RSPO4: variants seen among roughly 807,000 people sequenced by gnomAD.
RSPO4 encodes the protein R-spondin-4.
A neutral mutation model predicts 24.8 loss-of-function variants in RSPO4; 23 were observed. The ratio of observed to expected loss-of-function variants is 0.93; its 90% confidence interval spans 0.67 to 1.31. The LOEUF (loss-of-function observed/expected upper bound fraction) is 1.31. Ranked by LOEUF, RSPO4 falls within the 40% of genes most tolerant of loss-of-function variation. The pLI is 0.00. For missense variants in RSPO4, 333 were observed against 316.5 expected, an observed-to-expected ratio of 1.05 and a Z score of -0.39; for synonymous variants, 141 against 127.4, an observed-to-expected ratio of 1.11 and a Z score of -0.72.
rs995685247 is a variant in RSPO4, at chr20:961,967, C to T, written c.596-1501G>A. On this transcript the variant is annotated intron_variant, in intron 4 of 4. Coordinates refer to ENST00000217260, the MANE Select transcript of RSPO4 (RefSeq NM_001029871.4). The stretch of plus-strand genomic sequence containing the variant: ...ATCCACCTACCTACTCATCCACCCA[C>T]CTACCCTCCCATCTACCCTCCTATC... Among the ~76,000 whole-genome samples the T allele has an allele frequency of 2.6e-5, 4 of 152,152 alleles. 1 individual carries two copies.
At chr20:973,811 C>G (rs1600092800) in intron 1 of RSPO4, among the ~76,000 whole-genome samples, 1 of 151,554 alleles carries the variant, frequency 6.6e-6, no homozygotes, top group East Asian at 1.9e-4. Flanking sequence ...CCTTCAATAC[C>G]CTGGTCTTTG....
At chr20:998,392 C>G (rs74767819) in intron 1 of RSPO4, among the ~76,000 whole-genome samples, 3,963 of 152,326 alleles carry the variant, frequency 0.026, 218 homozygotes, top group East Asian at 0.22. Flanking sequence ...CCATCTGGTT[C>G]TGATTCATTT....
intron 1 of RSPO4, among the ~76,000 whole-genome samples, chr20:994,734 T>C (rs546715115): frequency 7.9e-5 from 12 of 152,242 alleles, no homozygotes; most frequent in African/African-American, 2.6e-4. Context: ...CAGCTAATTT[T>C]TGTATTTTTA....
chr20:969,513 C>T (rs1474474802), intron 1 of RSPO4, among the ~76,000 whole-genome samples: 1 of 152,312 alleles, frequency 6.6e-6, no homozygotes, highest in African/African-American at 2.4e-5. Flanking sequence ...GAATCTGCCC[C>T]CTTCCCATTC....
chr20:1,001,021 G>A (rs1362487560), intron 1 of RSPO4, among the ~76,000 whole-genome samples: 1 of 152,160 alleles, frequency 6.6e-6, no homozygotes, highest in African/African-American at 2.4e-5. Context: ...CTTTATCCTT[G>A]CTCAGACCCG....
Position 966,077 on chromosome 20 carries a change from G to A in RSPO4, c.409+1097C>T, listed in dbSNP as rs898838117. ...GAGCGTTAGGTGGGGGATGGTGGCAGTGGGAGTGGAAAGAAGGCACCCAGA... is the reference window on the plus strand; with the variant it reads ...GAGCGTTAGGTGGGGGATGGTGGCAATGGGAGTGGAAAGAAGGCACCCAGA... On this transcript the variant is annotated intron_variant, in intron 3 of 4. Transcript: ENST00000217260. Among the ~76,000 whole-genome samples the A allele has an allele frequency of 5.3e-4, 81 of 152,172 alleles. 2 individuals are homozygous for A. The highest frequency in any genetic ancestry group is 4.8e-3 in the Admixed American group (73 of 15,286).
intron 1 of RSPO4, among the ~76,000 whole-genome samples, chr20:977,563 T>A (rs1367325505): frequency 6.6e-6 from 1 of 152,218 alleles, no homozygotes; most frequent in East Asian, 1.9e-4. Context: ...GCATTTGTGA[T>A]CCTGGAACTG....
chr20:967,231 A>C lies in RSPO4; in HGVS notation c.352T>G (p.Cys118Gly). ...GTGCCCGGCGGGCAGGTGGGCAGAC[A>C]CTTCCCCTTGTACAAGTAAAACTGC... ...KRQFYLYKGK[C>G]LPTCPPGTLA... is the part of the protein sequence containing the mutation. The change falls in exon 3 of 5, where the codon TGT becomes GGT. Residue 118 changes from cysteine to glycine, a missense_variant. Coordinates refer to ENST00000217260, the MANE Select transcript of RSPO4 (RefSeq NM_001029871.4). 6.2e-7 allele frequency: 1 copy of C among 1,614,218 alleles called. No homozygotes were observed. The highest frequency in any genetic ancestry group is 8.5e-7 in the Non-Finnish European group (1 of 1,180,028).
At chr20:974,576 C>T (rs1390830575) in intron 1 of RSPO4, among the ~76,000 whole-genome samples, 4 of 152,214 alleles carry the variant, frequency 2.6e-5, no homozygotes, top group Non-Finnish European at 4.4e-5. Flanking sequence ...CATCAGGTCC[C>T]CTTGACTACA....
At position 968,365 on chromosome 20, in the gene RSPO4, C is replaced by T. The variant is rs568587585; in HGVS notation, c.80-227G>A. Among the ~76,000 whole-genome samples the T allele has an allele frequency of 3.5e-4, 54 of 152,340 alleles. 1 individual carries two copies. The highest frequency in any genetic ancestry group is 3.4e-3 in the Middle Eastern group (1 of 294). ...GCATGTGACACTTCAAGAAAGCTGC[C>T]TTAAAGGGCAGGGGTGTGCCCCTTG... is the stretch of plus-strand genomic sequence containing the variant. On this transcript the variant is annotated intron_variant, in intron 1 of 4. Coordinates refer to ENST00000217260, the MANE Select transcript of RSPO4 (RefSeq NM_001029871.4).
chr20:978,827 T>C (rs534788902), intron 1 of RSPO4, among the ~76,000 whole-genome samples: 209 of 152,118 alleles, frequency 1.4e-3, no homozygotes, highest in African/African-American at 5.0e-3. Flanking sequence ...TACAAGATGA[T>C]ATTGTACTCA....
chr20:983,315 C>A (rs76827769), intron 1 of RSPO4, among the ~76,000 whole-genome samples: 3,923 of 152,298 alleles, frequency 0.026, 201 homozygotes, highest in East Asian at 0.21. Context: ...AAAGCAGAGC[C>A]TTGGTCTTGA....
At chr20:965,250 G>C (rs929971977) in intron 3 of RSPO4, among the ~76,000 whole-genome samples, 1 of 152,130 alleles carries the variant, frequency 6.6e-6, no homozygotes, top group African/African-American at 2.4e-5. Flanking sequence ...GTCTTGAAGT[G>C]GGGGTGGGAT....
rs914643190 is a variant in RSPO4 at position 989,742 on chromosome 20, G to A, written c.79+12344C>T. Among the ~76,000 whole-genome samples the A allele has an allele frequency of 2.6e-5, 4 of 152,292 alleles. No individual in the cohort carries two copies. The South Asian group carries it at 6.2e-4, about 24-fold the overall frequency. On this transcript the variant is annotated intron_variant, in intron 1 of 4. Transcript: ENST00000217260. ...TTAGTGGGCCTCAGTTTCCTCATCC[G>A]CGAAGTGGAAACCATAACCCTTCTT...
At chr20:984,960 CA>C (rs1984861551) in intron 1 of RSPO4, among the ~76,000 whole-genome samples, 1 of 147,830 alleles carries the variant, frequency 6.8e-6, no homozygotes, top group Non-Finnish European at 1.5e-5. Context: ...TCCACCCACC[CA>C]CCCATCTATC....
chr20:1,002,049 C>T lies in RSPO4; in HGVS notation c.79+37G>A. The T allele has an allele frequency of 6.6e-7, 1 of 1,523,646 alleles. No homozygotes were observed. The highest frequency in any genetic ancestry group is 8.9e-7 in the Non-Finnish European group (1 of 1,125,284). The allele number at this position is 1,523,646 out of a possible 1,614,324, so 94.4% of individuals were successfully genotyped here. Reference sequence around the variant, plus strand: ...CTCCGGCCCCCGGTCTGCCCCGCAGCGCCTGCCCGGCCGCCCTGCCCAGCC... The same window carrying T: ...CTCCGGCCCCCGGTCTGCCCCGCAGTGCCTGCCCGGCCGCCCTGCCCAGCC... On this transcript the variant is annotated intron_variant, in intron 1 of 4. Coordinates refer to ENST00000217260, the MANE Select transcript of RSPO4 (RefSeq NM_001029871.4). The surrounding 1 kb of genome is among the most constrained non-coding windows in gnomAD (Gnocchi z 4.6).
At chr20:985,685 C>T (rs572729380) in intron 1 of RSPO4, among the ~76,000 whole-genome samples, 14 of 152,348 alleles carry the variant, frequency 9.2e-5, no homozygotes, top group African/African-American at 2.9e-4. Context: ...GGCCAACTAT[C>T]TTTGTCACCC....
At chr20:961,062 T>C (rs2039631744) in intron 4 of RSPO4, among the ~76,000 whole-genome samples, 1 of 152,206 alleles carries the variant, frequency 6.6e-6, no homozygotes, top group Admixed American at 6.5e-5. Context: ...TCCACCCTTC[T>C]ATCATTTTTC....
intron 3 of RSPO4, 74 bp from the exon 4 acceptor site, chr20:964,194 G>T: frequency 7.6e-7 from 1 of 1,318,326 alleles, no homozygotes; most frequent in Non-Finnish European, 1.0e-6. Flanking sequence ...CAGATCCAAG[G>T]GCAGGGTTTG....
Sources: allele counts gnomAD v4.1 joint callset (sites outside exome capture counted in the v4.1 genomes callset), GRCh38; gene constraint gnomAD v4.1.1; non-coding constraint Gnocchi (gnomAD v3.1); transcripts MANE v1.5; gene names NCBI Gene and HGNC (gene_info 2026-07-23, HGNC 2026-07-21).